The following SCIN variants were observed in gnomAD, a reference collection of about 807,000 sequenced individuals.
SCIN encodes the protein scinderin, also known as adseverin.
SCIN carries 91 observed loss-of-function variants against 91.8 expected under a neutral mutation model. That is an observed-to-expected ratio of 0.99 (90% confidence interval 0.84 to 1.18). The LOEUF (loss-of-function observed/expected upper bound fraction) is 1.18. Among genes scored for constraint, SCIN ranks in the 50% most tolerant of loss-of-function variants. The pLI, the probability that SCIN is intolerant of heterozygous loss-of-function variation, is 0.00. For missense variants in SCIN, 1,087 were observed against 863.9 expected (o/e 1.26, Z -3.24); for synonymous variants, 367 against 312.6 (o/e 1.17, Z -1.84).
chr7:12,633,132 A>G (rs562535614), intron 9 of SCIN, among the ~76,000 whole-genome samples: 1 of 152,368 alleles, frequency 6.6e-6, no homozygotes, highest in South Asian at 2.1e-4. Context: ...ATACAGGGAC[A>G]TAAACAGGTT....
rs991852773 is a variant in SCIN at position 12,655,816 on chromosome 7, A to T, written c.*3101A>T. The T allele has an allele frequency of 1.3e-5, 2 of 152,320 alleles. No homozygotes were observed. Among genetic ancestry groups the T allele is most frequent in the Admixed American group, 1.3e-4 (2 of 15,292 alleles). 9.4% of individuals were successfully genotyped at this position (152,320 alleles called of 1,614,324 possible). The stretch of plus-strand genomic sequence containing the variant: ...GATACAGGTGTTCCCTAGCAAGTTA[A>T]TATGCTTGTGTCTCTTCAAACCAAT... On this transcript the variant is annotated 3_prime_UTR_variant, in exon 16 of 16. Transcript: ENST00000297029.
At chr7:12,631,854 A>G (rs1217537296) in intron 9 of SCIN, among the ~76,000 whole-genome samples, 1 of 152,216 alleles carries the variant, frequency 6.6e-6, no homozygotes, top group African/African-American at 2.4e-5. Context: ...ATAGACAGGC[A>G]TGCAAATAGA....
At position 12,622,835 on chromosome 7, in the gene SCIN, G is replaced by GTGA; in HGVS notation, c.711_713dup (p.Asp238dup). 3.7e-6 allele frequency: 6 copies of GTGA among 1,613,128 alleles called. No homozygotes were observed. The highest frequency in any genetic ancestry group is 5.1e-6 in the Non-Finnish European group (6 of 1,179,362). Reference sequence around the variant, plus strand: ...GAAAAGCCAGAGCTTCCAGATGGAGGTGATGATGATGACATTATAGCAGAC... The same window carrying GTGA: ...GAAAAGCCAGAGCTTCCAGATGGAGGTGATGATGATGATGACATTATAGCAGAC... On this transcript the variant is annotated inframe_insertion, in exon 5 of 16. Transcript: ENST00000297029.
chr7:12,620,006 A>G (rs531961363), intron 4 of SCIN, among the ~76,000 whole-genome samples: 8 of 152,070 alleles, frequency 5.3e-5, no homozygotes, highest in Admixed American at 2.6e-4. Flanking sequence ...ATAAATTTTA[A>G]ATGTTTTCCT....
intron 3 of SCIN, among the ~76,000 whole-genome samples, chr7:12,600,764 A>G (rs903204663): frequency 1.3e-5 from 2 of 152,168 alleles, no homozygotes; most frequent in Admixed American, 1.3e-4. Context: ...GGAGCTTTTA[A>G]TAAACACAGC....
chr7:12,656,724 C>T lies in SCIN; in HGVS notation c.*4009C>T, dbSNP rs968181190. 2 of 152,166 alleles carry T rather than the reference C, an allele frequency of 1.3e-5. No individual in the cohort carries two copies. The highest frequency in any genetic ancestry group is 2.4e-5 in the African/African-American group (1 of 41,426). The allele number at this position is 152,166 out of a possible 1,614,324, so 9.4% of individuals were successfully genotyped here. A position where few individuals can be genotyped will look rare whatever the true frequency, so the allele number is the denominator to read the frequency against. ...GGATCACGAGGCCAGGAGTCCGAGA[C>T]CAGCCTGACCAACATAGTGAAACCC... On this transcript the variant is annotated 3_prime_UTR_variant, in exon 16 of 16. Transcript: ENST00000297029.
intron 3 of SCIN, 100 bp downstream of exon 3, chr7:12,581,321 A>G (rs1406161692): frequency 8.1e-7 from 1 of 1,235,436 alleles, no homozygotes. Context: ...TTTTCTACAC[A>G]CCAGAAAGGG....
chr7:12,622,672 A>G (rs1189799083), intron 4 of SCIN, 129 bp from the exon 5 acceptor site: 2 of 648,338 alleles, frequency 3.1e-6, no homozygotes, highest in Admixed American at 5.6e-5. Context: ...CATTGATGAG[A>G]AGTGTTTGAG....
At chr7:12,640,198 A>G in intron 10 of SCIN, 149 bp from the exon 11 acceptor site, 2 of 600,582 alleles carry the variant, frequency 3.3e-6, no homozygotes, top group Non-Finnish European at 5.2e-6. Flanking sequence ...ATTAACCTAT[A>G]TGTTCTGTTA....
chr7:12,642,716 C>T (rs1294115261), intron 11 of SCIN, among the ~76,000 whole-genome samples: 2 of 151,568 alleles, frequency 1.3e-5, no homozygotes, highest in African/African-American at 4.9e-5. Flanking sequence ...GCCAGTCAGC[C>T]TTTCCAGTTT....
chr7:12,644,300 G>C lies in SCIN; in HGVS notation c.1744G>C (p.Glu582Gln), dbSNP rs867457266. Residue 582 changes from glutamate (E) to glutamine (Q), a missense_variant, in exon 12 of 16, where the codon GAA (glutamate) becomes CAA (glutamine). Physicochemically the swap from Glu to Gln is conservative, Grantham distance 29. Transcript: ENST00000297029. ...AAAGTGCAAAACCTTAAGGATCCAA[G>C]AAGGCGAGGAGCCAGGTGTGTGCTC... ...VLKCKTLRIQ[E>Q]GEEPEEFWNS... The C allele has an allele frequency of 6.3e-7, 1 of 1,585,928 alleles. No homozygotes were observed.
intron 2 of SCIN, among the ~76,000 whole-genome samples, chr7:12,579,367 G>A (rs1051553088): frequency 3.3e-5 from 5 of 152,058 alleles, no homozygotes; most frequent in Non-Finnish European, 2.9e-5. Flanking sequence ...TTGATTCACA[G>A]GAGCTCCTAC....
At chr7:12,606,940 A>G (rs1248371188) in intron 4 of SCIN, among the ~76,000 whole-genome samples, 1 of 152,224 alleles carries the variant, frequency 6.6e-6, no homozygotes, top group Non-Finnish European at 1.5e-5. Context: ...CCTCTGTTCT[A>G]GAGATGGGAT....
At chr7:12,591,066 C>T (rs1782712044) in intron 3 of SCIN, among the ~76,000 whole-genome samples, 1 of 152,006 alleles carries the variant, frequency 6.6e-6, no homozygotes, top group Non-Finnish European at 1.5e-5. Flanking sequence ...GAGGAGCCAT[C>T]TATGAATAGT....
At chr7:12,607,622 T>C (rs1432479942) in intron 4 of SCIN, among the ~76,000 whole-genome samples, 2 of 152,244 alleles carry the variant, frequency 1.3e-5, no homozygotes, top group African/African-American at 4.8e-5. Flanking sequence ...AGCACCCACT[T>C]TGTTTTCATT....
intron 9 of SCIN, among the ~76,000 whole-genome samples, chr7:12,633,688 G>A (rs557821224): frequency 6.6e-6 from 1 of 152,148 alleles, no homozygotes; most frequent in Non-Finnish European, 1.5e-5. Flanking sequence ...CAGAATAAAA[G>A]CAAAATGGAA....
chr7:12,587,616 C>T (rs930188078), intron 3 of SCIN, among the ~76,000 whole-genome samples: 8 of 152,164 alleles, frequency 5.3e-5, no homozygotes, highest in African/African-American at 1.9e-4. Flanking sequence ...TCCCAGACTA[C>T]CCTAGAATTG....
At chr7:12,580,018 A>G (rs1249485374) in intron 2 of SCIN, among the ~76,000 whole-genome samples, 3 of 152,122 alleles carry the variant, frequency 2.0e-5, no homozygotes, top group Non-Finnish European at 4.4e-5. Context: ...TGGACTGGGA[A>G]ATCATTTTAT....
chr7:12,625,431 CTTT>C (rs10656602), intron 6 of SCIN, among the ~76,000 whole-genome samples: 4 of 97,556 alleles, frequency 4.1e-5, no homozygotes, highest in Non-Finnish European at 5.7e-5. Context: ...TTTTGCTATT[CTTT>C]TTTTTTTTTT....
Sources: allele counts gnomAD v4.1 joint callset (sites outside exome capture counted in the v4.1 genomes callset), GRCh38; gene constraint gnomAD v4.1.1; transcripts MANE v1.5; gene names NCBI Gene and HGNC (gene_info 2026-07-23, HGNC 2026-07-21).